RNF157: variants seen among roughly 807,000 people sequenced by gnomAD.
The protein encoded by RNF157 is E3 ubiquitin ligase RNF157.
In RNF157, 55 loss-of-function variants were observed where a neutral mutation model predicts 88.3. The ratio of observed to expected loss-of-function variants is 0.62; its 90% CI spans 0.50 to 0.78. The LOEUF (loss-of-function observed/expected upper bound fraction) is 0.78, where lower values mean the gene tolerates loss of function less well. Among genes scored for constraint, RNF157 ranks in the 30% least tolerant of loss-of-function variants. The pLI is 0.00. For missense variants in RNF157, 788 were observed against 860.8 expected, an observed-to-expected ratio of 0.92 and a Z score of 1.06; for synonymous variants, 334 against 341.2, an observed-to-expected ratio of 0.98 and a Z score of 0.23.
At chr17:76,222,766 C>T (rs1407178951) in intron 1 of RNF157, among the ~76,000 whole-genome samples, 1 of 152,184 alleles carries the variant, frequency 6.6e-6, no homozygotes, top group African/African-American at 2.4e-5. Context: ...CTGCACCTGT[C>T]TCTCCATCTG....
intron 2 of RNF157, among the ~76,000 whole-genome samples, chr17:76,201,311 C>A (rs2069572867): frequency 7.1e-6 from 1 of 140,888 alleles, no homozygotes; most frequent in Non-Finnish European, 1.5e-5. Context: ...CATAGTGAGA[C>A]CCTAGTCTCT....
intron 2 of RNF157, among the ~76,000 whole-genome samples, chr17:76,199,978 C>T (rs573943582): frequency 1.1e-4 from 16 of 152,322 alleles, no homozygotes; most frequent in Non-Finnish European, 1.6e-4. Flanking sequence ...TGGCTCACGC[C>T]TGTAATCCCA....
At chr17:76,196,098 GGTAGCCCTGCTCTGCAGGA>G (rs1175275046) in intron 2 of RNF157, among the ~76,000 whole-genome samples, 1 of 152,162 alleles carries the variant, frequency 6.6e-6, no homozygotes, top group Non-Finnish European at 1.5e-5. Flanking sequence ...ACTGCCTTTG[GGTAGCCCTGCTCTGCAGGA>G]GCAGTCACAG....
At chr17:76,185,176 A>G (rs888838731) in intron 2 of RNF157, among the ~76,000 whole-genome samples, 1 of 152,162 alleles carries the variant, frequency 6.6e-6, no homozygotes, top group Non-Finnish European at 1.5e-5. Flanking sequence ...AAACACACCT[A>G]CATGGCTACG....
intron 14 of RNF157, among the ~76,000 whole-genome samples, chr17:76,156,009 A>T (rs1248696453): frequency 6.6e-6 from 1 of 152,172 alleles, no homozygotes; most frequent in African/African-American, 2.4e-5. Flanking sequence ...GGCTGAGAGA[A>T]TTAACACCCC....
rs2068849436 is a variant in RNF157, at chr17:76,161,803, C to G, written c.952+40G>C. On this transcript the variant is annotated intron_variant, in intron 10 of 18. Transcript: ENST00000269391. This position sits in a 1 kb window ranked among gnomAD's most constrained non-coding sequence, Gnocchi z 4.6. Reference sequence around the variant, plus strand: ...TGTTTTGTAAATGTCCTCTTGTCCCCTCTCCCACCCACCAGTCCCCCTGCC... The same window carrying G: ...TGTTTTGTAAATGTCCTCTTGTCCCGTCTCCCACCCACCAGTCCCCCTGCC... 1 of 1,603,604 alleles carries G rather than the reference C, an allele frequency of 6.2e-7. No homozygotes were observed. The highest frequency in any genetic ancestry group is 8.5e-7 in the Non-Finnish European group (1 of 1,172,942).
intron 2 of RNF157, among the ~76,000 whole-genome samples, chr17:76,210,779 C>T (rs936634772): frequency 6.6e-6 from 1 of 151,862 alleles, no homozygotes; most frequent in Non-Finnish European, 1.5e-5. Context: ...GAGTAAAAAA[C>T]CTATCAAGGT....
intron 1 of RNF157, among the ~76,000 whole-genome samples, chr17:76,235,220 C>T (rs571107183): frequency 1.3e-4 from 19 of 144,036 alleles, no homozygotes; most frequent in Admixed American, 1.2e-3. Context: ...TTTTTTGAGA[C>T]GGAGTCTCGC....
intron 2 of RNF157, among the ~76,000 whole-genome samples, chr17:76,190,420 G>C (rs1354002149): frequency 2.6e-5 from 4 of 151,940 alleles, no homozygotes; most frequent in African/African-American, 9.7e-5. Context: ...GCCTGCCTCA[G>C]CTTCCCAAAG....
At chr17:76,222,695 C>T (rs953180297) in intron 1 of RNF157, among the ~76,000 whole-genome samples, 1 of 152,086 alleles carries the variant, frequency 6.6e-6, no homozygotes. Flanking sequence ...AGTTAAGAAA[C>T]AGCAGAGACC....
At chr17:76,223,132 C>T (rs867696779) in intron 1 of RNF157, among the ~76,000 whole-genome samples, 4 of 150,996 alleles carry the variant, frequency 2.6e-5, no homozygotes, top group African/African-American at 7.3e-5. Context: ...CCTCGTGATC[C>T]GCCCACCTGG....
At chr17:76,217,277 G>T (rs2069904751) in intron 1 of RNF157, among the ~76,000 whole-genome samples, 1 of 151,860 alleles carries the variant, frequency 6.6e-6, no homozygotes, top group Non-Finnish European at 1.5e-5. Flanking sequence ...CCAAAGTGTT[G>T]GGATTACAGG....
At chr17:76,200,888 C>T (rs1181772433) in intron 2 of RNF157, among the ~76,000 whole-genome samples, 5 of 152,032 alleles carry the variant, frequency 3.3e-5, no homozygotes, top group Non-Finnish European at 1.5e-5. Flanking sequence ...CCAAGAGGAC[C>T]GAGCTCCCTG....
At chr17:76,190,602 CAAA>C (rs557182055) in intron 2 of RNF157, among the ~76,000 whole-genome samples, 4 of 102,930 alleles carry the variant, frequency 3.9e-5, no homozygotes, top group Non-Finnish European at 4.1e-5. Context: ...GACCCCATCT[CAAA>C]AAAAAAAAAA....
rs544995207 is a variant in RNF157 at position 76,152,468 on chromosome 17, G to A, written c.1811-3C>T. On this transcript the variant is annotated splice_region_variant and splice_polypyrimidine_tract_variant and intron_variant, in intron 17 of 18. Transcript: ENST00000269391. ...TAGAAATGCGCACGTCCTCTGGCCT[G>A]TAACGGAGTTAATGCAGTTAGAGAG... 7.5e-6 allele frequency: 12 copies of A among 1,593,486 alleles called. No homozygotes were observed. The highest frequency in any genetic ancestry group is 1.0e-5 in the Non-Finnish European group (12 of 1,161,266).
chr17:76,154,448 T>C, intron 16 of RNF157, 120 bp from the exon 17 acceptor site: 1 of 743,236 alleles, frequency 1.3e-6, no homozygotes, highest in South Asian at 1.5e-5. Flanking sequence ...TAATAGCATA[T>C]ATTTCCATCT....
intron 17 of RNF157, chr17:76,153,989 C>G: frequency 3.0e-6 from 1 of 329,018 alleles, no homozygotes. Flanking sequence ...ATGATGGGAG[C>G]TGCTTAGAGA....
At chr17:76,151,090 TA>T (rs759585000) in intron 18 of RNF157, among the ~76,000 whole-genome samples, 2 of 152,188 alleles carry the variant, frequency 1.3e-5, no homozygotes, top group African/African-American at 2.4e-5. Context: ...AGTCCAGGCC[TA>T]ACTGGCAGGA....
At chr17:76,184,320 T>A (rs1407202111) in intron 2 of RNF157, among the ~76,000 whole-genome samples, 1 of 152,224 alleles carries the variant, frequency 6.6e-6, no homozygotes, top group Non-Finnish European at 1.5e-5. Context: ...TCATTCATGG[T>A]ACTACATAAT....
Sources: allele counts gnomAD v4.1 joint callset (sites outside exome capture counted in the v4.1 genomes callset), GRCh38; gene constraint gnomAD v4.1.1; non-coding constraint Gnocchi (gnomAD v3.1); transcripts MANE v1.5; gene names NCBI Gene and HGNC (gene_info 2026-07-23, HGNC 2026-07-21).